The following FBLN2 variants were observed in gnomAD, a reference collection of about 807,000 sequenced individuals.
The protein encoded by FBLN2 is fibulin 2, also known as fibulin-2.
Under a neutral mutation model 123.7 loss-of-function variants are expected in FBLN2, and 81 were observed. The ratio of observed to expected loss-of-function variants is 0.65; its 90% CI spans 0.55 to 0.79. The LOEUF is 0.79. Among genes scored for constraint, FBLN2 ranks in the 30% least tolerant of loss-of-function variants. The pLI, the probability that FBLN2 is intolerant of heterozygous loss-of-function variation, is 0.00. For missense variants in FBLN2, 1,603 were observed against 1,681.3 expected (o/e 0.95, Z 0.81); for synonymous variants, 699 against 701.4 (o/e 1.00, Z 0.05).
chr3:13,627,735 G>A, intron 10 of FBLN2, 97 bp from the exon 11 acceptor site: 3 of 1,412,792 alleles, frequency 2.1e-6, no homozygotes, highest in Non-Finnish European at 2.8e-6. Flanking sequence ...TGGCCATCAG[G>A]GTCATGGGTC....
rs113183396 is a variant in FBLN2 at position 13,612,294 on chromosome 3, C to T, written c.1549-1690C>T. Among the ~76,000 whole-genome samples, 153 of 117,322 alleles carry T rather than the reference C, an allele frequency of 1.3e-3. 1 individual carries two copies. The highest frequency in any genetic ancestry group is 1.8e-3 in the Non-Finnish European group (110 of 60,124). 77.0% of individuals were successfully genotyped at this position (117,322 alleles called of 152,430 possible). A position where few individuals can be genotyped will look rare whatever the true frequency, so the allele number is the denominator to read the frequency against. On this transcript the variant is annotated intron_variant, in intron 4 of 17. Transcript: ENST00000404922. ...TTTTCCTTTTCTTTTCTTTTATTTT[C>T]CTTTCTTTCTTTCTTTCTTTCTTTC...
chr3:13,626,184 A>T (rs924793532), intron 9 of FBLN2, among the ~76,000 whole-genome samples: 3 of 152,178 alleles, frequency 2.0e-5, no homozygotes, highest in African/African-American at 7.2e-5. Flanking sequence ...TGTCTGCCCC[A>T]CAAGGGCAGG....
intron 1 of FBLN2, among the ~76,000 whole-genome samples, chr3:13,550,748 T>G (rs982254954): frequency 3.9e-5 from 6 of 152,048 alleles, no homozygotes; most frequent in Admixed American, 3.9e-4. Context: ...CACCCTTGAC[T>G]TCCCGCCCTC....
chr3:13,598,116 G>C (rs958361295), intron 2 of FBLN2, among the ~76,000 whole-genome samples: 3 of 152,242 alleles, frequency 2.0e-5, no homozygotes, highest in Non-Finnish European at 4.4e-5. Flanking sequence ...GCTGAAGGCT[G>C]CACCAGCTTC....
intron 2 of FBLN2, among the ~76,000 whole-genome samples, chr3:13,599,289 G>A (rs1463504434): frequency 6.6e-6 from 1 of 152,244 alleles, no homozygotes; most frequent in Non-Finnish European, 1.5e-5. Context: ...AAGAGAAGGA[G>A]CCTGTCCCAT....
chr3:13,628,097 T>C (rs1433739390), intron 11 of FBLN2, 128 bp downstream of exon 11: 9 of 1,227,392 alleles, frequency 7.3e-6, no homozygotes, highest in Non-Finnish European at 1.0e-5. Flanking sequence ...AGCCCCCTTG[T>C]CCCTACCTGT....
intron 1 of FBLN2, among the ~76,000 whole-genome samples, chr3:13,554,928 C>T (rs1703420887): frequency 1.3e-5 from 2 of 148,312 alleles, no homozygotes; most frequent in Non-Finnish European, 3.0e-5. Flanking sequence ...AAATCCCTTC[C>T]CTGTTTTGCT....
intron 9 of FBLN2, among the ~76,000 whole-genome samples, chr3:13,623,407 C>T (rs1351522802): frequency 2.6e-5 from 4 of 152,202 alleles, no homozygotes; most frequent in African/African-American, 9.7e-5. Flanking sequence ...TTCCATTCAG[C>T]AAAATTGATG....
At position 13,630,798 on chromosome 3, in the gene FBLN2, A is replaced by G; in HGVS notation, c.3068A>G (p.Asp1023Gly). ...CGCCAGGGCTACCAGCTGGCTGAGG[A>G]TGGGCACACCTGCACAGGTACCTCT... ...YCRQGYQLAE[D>G]GHTCTDIDEC... Residue 1023 changes from aspartate (D) to glycine (G), a missense_variant, in exon 15 of 18, where the codon GAT becomes GGT. Transcript: ENST00000404922. 2 of 1,604,674 alleles carry G rather than the reference A, an allele frequency of 1.2e-6. No individual in the cohort carries two copies. Among genetic ancestry groups the G allele is most frequent in the Non-Finnish European group, 1.7e-6 (2 of 1,175,810 alleles).
chr3:13,596,802 A>G, intron 2 of FBLN2, among the ~76,000 whole-genome samples: 1 of 152,162 alleles, frequency 6.6e-6, no homozygotes, highest in Non-Finnish European at 1.5e-5. Context: ...AAGTGGAATC[A>G]TAGTCTTTAT....
intron 2 of FBLN2, among the ~76,000 whole-genome samples, chr3:13,596,540 A>G (rs1312612815): frequency 1.3e-5 from 2 of 152,216 alleles, no homozygotes; most frequent in Non-Finnish European, 2.9e-5. Flanking sequence ...TTTACACTGC[A>G]ATGCATTTTT....
intron 2 of FBLN2, among the ~76,000 whole-genome samples, chr3:13,593,971 C>T (rs923638128): frequency 1.3e-5 from 2 of 152,188 alleles, no homozygotes; most frequent in African/African-American, 2.4e-5. Context: ...TTTTATAACA[C>T]TCATTTTACC....
chr3:13,632,216 C>T (rs1024564888), intron 16 of FBLN2, among the ~76,000 whole-genome samples: 1 of 152,192 alleles, frequency 6.6e-6, no homozygotes, highest in African/African-American at 2.4e-5. Context: ...GGGTCATTGC[C>T]CCAGGAGAAC....
intron 2 of FBLN2, among the ~76,000 whole-genome samples, chr3:13,593,693 G>A (rs550034739): frequency 1.4e-5 from 2 of 142,288 alleles, no homozygotes; most frequent in African/African-American, 2.7e-5. Context: ...CAGCCTGGGC[G>A]ACAGAGTGAG....
chr3:13,633,494 G>A (rs1706333213), intron 16 of FBLN2, among the ~76,000 whole-genome samples: 1 of 152,272 alleles, frequency 6.6e-6, no homozygotes, highest in African/African-American at 2.4e-5. Context: ...AGGGCACAGT[G>A]GGGGCTGCCG....
chr3:13,622,975 T>C (rs1568306), intron 9 of FBLN2, among the ~76,000 whole-genome samples: 60,965 of 152,076 alleles, frequency 0.4, 13,348 homozygotes, highest in East Asian at 0.75. Context: ...GATCAGAACC[T>C]AGTGCGTTCA....
intron 2 of FBLN2, among the ~76,000 whole-genome samples, chr3:13,605,748 G>C (rs112083012): frequency 4.6e-5 from 7 of 152,166 alleles, no homozygotes; most frequent in Non-Finnish European, 1.0e-4. Flanking sequence ...TTGATGTTGC[G>C]TGTGCTTAAC....
At chr3:13,555,486 G>A (rs1028016210) in intron 1 of FBLN2, among the ~76,000 whole-genome samples, 3 of 150,854 alleles carry the variant, frequency 2.0e-5, no homozygotes, top group East Asian at 2.0e-4. Flanking sequence ...ATGGAGTCTC[G>A]CTATGTTGCC....
rs543913241 is a variant in FBLN2, at chr3:13,633,642, G to A, written c.3214+2185G>A. Among the ~76,000 whole-genome samples, 157 of 152,336 alleles carry A rather than the reference G, an allele frequency of 1.0e-3. 3 individuals carry two copies. In the South Asian group the frequency reaches 0.025, roughly 25 times the overall value. On this transcript the variant is annotated intron_variant, in intron 16 of 17. Transcript: ENST00000404922. ...TGAGGTCTCTCGGCTCAAACAGGGT[G>A]GGGGGAGGCTGGCTTGGGGGAAAGA...
Sources: gnomAD v4.1 joint callset for allele counts (sites outside exome capture counted in the v4.1 genomes callset) on GRCh38, gnomAD v4.1.1 for gene constraint, MANE v1.5 for transcripts, NCBI Gene and HGNC (gene_info 2026-07-23, HGNC 2026-07-21) for gene names.